CSNK1E: variants seen among roughly 807,000 people sequenced by gnomAD.
CSNK1E encodes casein kinase I isoform epsilon.
CSNK1E carries 17 observed loss-of-function variants against 46.1 expected under a neutral mutation model. That is an observed-to-expected ratio of 0.37 (90% CI 0.25 to 0.55). The LOEUF (loss-of-function observed/expected upper bound fraction) is 0.55. Ranked by LOEUF, CSNK1E falls within the 20% of genes least tolerant of loss-of-function variation. CSNK1E has a pLI of 0.82. For synonymous variants in CSNK1E, 241 were observed against 242.6 expected, an observed-to-expected ratio of 0.99 and a Z score of 0.06; for missense variants, 386 against 595.4, an observed-to-expected ratio of 0.65 and a Z score of 3.66.
Position 38,300,967 on chromosome 22 carries a change from G to A in CSNK1E, c.337-15C>T, listed in dbSNP as rs772227213. ...ATGCGGCTGATCTGGGGAGGAGGGG[G>A]GCCATTTGTTCAACAGAGGGGCCCT... On this transcript the variant is annotated splice_polypyrimidine_tract_variant and intron_variant, in intron 4 of 10. Coordinates refer to ENST00000396832, the MANE Select transcript of CSNK1E (RefSeq NM_152221.3). This position sits in a 1 kb window ranked among gnomAD's most constrained non-coding sequence, Gnocchi z 4.4. 6.2e-7 allele frequency: 1 copy of A among 1,611,050 alleles called. No individual in the cohort carries two copies. The highest frequency in any genetic ancestry group is 8.5e-7 in the Non-Finnish European group (1 of 1,177,392).
At position 38,291,012 on chromosome 22, in the gene CSNK1E, C is replaced by G. The variant is rs898240630; in HGVS notation, c.*959G>C. The G allele has an allele frequency of 6.6e-6, 1 of 152,370 alleles. No homozygotes were observed. The highest frequency in any genetic ancestry group is 2.4e-5 in the African/African-American group (1 of 41,456). The allele number at this position is 152,370 out of a possible 1,614,324, so 9.4% of individuals were successfully genotyped here. ...AACCCAGCCCTGACTCCAGGCTCCTCCTCAGAAAGGTGGAACCAGGGAGAG... is the reference window on the plus strand; with the variant it reads ...AACCCAGCCCTGACTCCAGGCTCCTGCTCAGAAAGGTGGAACCAGGGAGAG... On this transcript the variant is annotated 3_prime_UTR_variant, in exon 11 of 11. Coordinates refer to ENST00000396832, the MANE Select transcript of CSNK1E (RefSeq NM_152221.3).
chr22:38,298,559 C>T lies in CSNK1E; in HGVS notation c.885+227G>A. 1.8e-6 allele frequency: 1 copy of T among 547,078 alleles called. No individual in the cohort carries two copies. The highest frequency in any genetic ancestry group is 1.9e-5 in the African/African-American group (1 of 52,724). 33.9% of individuals were successfully genotyped at this position (547,078 alleles called of 1,614,324 possible). A position where few individuals can be genotyped will look rare whatever the true frequency, so the allele number is the denominator to read the frequency against. On this transcript the variant is annotated intron_variant, in intron 7 of 10. Coordinates refer to ENST00000396832, the MANE Select transcript of CSNK1E (RefSeq NM_152221.3). This position sits in a 1 kb window ranked among gnomAD's most constrained non-coding sequence, Gnocchi z 4.2. The stretch of plus-strand genomic sequence containing the variant: ...CAGGTGAAGCCAGATCCTCCTTGTT[C>T]CGACGGGAGACAGCGCCCTGCCTGG...
rs933767728 is a variant in CSNK1E, at chr22:38,316,051, T to C, written c.-13+1109A>G. ...GCCTCCCAGAGGAGAGCAGAAAAGC[T>C]TCATTCAGGAATGGAGAGGCTTTTC... is the stretch of plus-strand genomic sequence containing the variant. On this transcript the variant is annotated intron_variant, in intron 1 of 10. Transcript: ENST00000396832. Among the ~76,000 whole-genome samples the C allele has an allele frequency of 7.2e-5, 11 of 151,810 alleles. 1 individual carries two copies. The East Asian group carries it at 2.0e-3, about 27-fold the overall frequency.
Position 38,293,304 on chromosome 22 carries a change from C to T in CSNK1E, c.1234G>A (p.Asp412Asn), listed in dbSNP as rs910487898. The part of the protein sequence containing the change: ...IPASQTSVPF[D>N]HLGK ...GGCTCTCCTCACTTCCCGAGATGGT[C>T]AAATGGCACACTTGTCTTTTGAGGG... The change falls in exon 10 of 11, where the codon GAC (aspartate) becomes AAC (asparagine). Residue 412 changes from aspartate to asparagine, a missense_variant. By Grantham distance (23) the Asp-to-Asn change is conservative. This residue lies in a region of CSNK1E where 174 missense variants were observed against 185.2 expected (regional missense o/e 0.94). Transcript: ENST00000396832. 1.2e-6 allele frequency: 2 copies of T among 1,606,314 alleles called. No homozygotes were observed. The highest frequency in any genetic ancestry group is 1.7e-6 in the Non-Finnish European group (2 of 1,175,112).
At chr22:38,313,823 T>C (rs1197055385) in intron 2 of CSNK1E, among the ~76,000 whole-genome samples, 2 of 152,196 alleles carry the variant, frequency 1.3e-5, no homozygotes, top group African/African-American at 4.8e-5. Context: ...CCCGGGACAC[T>C]GAGGCACAAA....
rs759002875 is a variant in CSNK1E, at chr22:38,294,414, C to A, written c.1006G>T (p.Ala336Ser). 1 of 1,558,444 alleles carries A rather than the reference C, an allele frequency of 6.4e-7. No individual in the cohort carries two copies. The highest frequency in any genetic ancestry group is 1.9e-5 in the Admixed American group (1 of 52,532). The stretch of plus-strand genomic sequence containing the variant: ...GCACTGCGGAGCCGGTTGGCAGTGG[C>A]CCCCGTGGGTGGGCCAGGGGGCAGG... Reference protein sequence around the residue: ...RALPPGPPTGATANRLRSAAE... With the variant: ...RALPPGPPTGSTANRLRSAAE... Residue 336 changes from alanine (A) to serine (S), a missense_variant, in exon 8 of 11, where the codon GCC becomes TCC. Physicochemically the swap from Ala to Ser is moderately conservative, Grantham distance 99. Around this residue, in one of 2 missense-constraint regions of CSNK1E, gnomAD observed 174 missense variants for 185.2 expected, o/e 0.94. Transcript: ENST00000396832. This position sits in a 1 kb window ranked among gnomAD's most constrained non-coding sequence, Gnocchi z 5.5.
chr22:38,317,470 GGCCC>G (rs1219777538), upstream of CSNK1E: 8 of 130,318 alleles, frequency 6.1e-5, no homozygotes, highest in Non-Finnish European at 1.6e-5. Flanking sequence ...TTGAGCCCCG[GGCCC>G]GCCCGCTGAT....
At chr22:38,295,969 C>CG (rs1369200236) in intron 7 of CSNK1E, among the ~76,000 whole-genome samples, 7 of 152,370 alleles carry the variant, frequency 4.6e-5, no homozygotes, top group African/African-American at 1.7e-4. Flanking sequence ...GAACCTTCTG[C>CG]GGGCAGAGTC....
rs756159218 is a variant in CSNK1E at position 38,303,002 on chromosome 22, G to T, written c.195C>A (p.Ile65=). The change falls in exon 4 of 11, where the codon ATC becomes ATA. Residue 65 remains isoleucine, a synonymous_variant. Coordinates refer to ENST00000396832, the MANE Select transcript of CSNK1E (RefSeq NM_152221.3). This position sits in a 1 kb window ranked among gnomAD's most constrained non-coding sequence, Gnocchi z 4.7. Reference sequence around the variant, plus strand: ...CAGCTCCGCACCACTTGATGGACGGGATCCCCACTGGGGGTCAAGCAGAGG... The same window carrying T: ...CAGCTCCGCACCACTTGATGGACGGTATCCCCACTGGGGGTCAAGCAGAGG... ...FYKMMQGGVG[I]PSIKWCGAEG... is the part of the protein sequence containing the mutation. 6.2e-7 allele frequency: 1 copy of T among 1,613,748 alleles called. No individual in the cohort carries two copies. The highest frequency in any genetic ancestry group is 1.1e-5 in the South Asian group (1 of 91,090).
At chr22:38,310,911 A>T (rs1296818489) in intron 2 of CSNK1E, among the ~76,000 whole-genome samples, 1 of 152,258 alleles carries the variant, frequency 6.6e-6, no homozygotes, top group Non-Finnish European at 1.5e-5. Flanking sequence ...AAATGGAGCC[A>T]GCAAGGCTGG....
At chr22:38,307,822 G>C (rs771430454) in intron 2 of CSNK1E, among the ~76,000 whole-genome samples, 1 of 152,104 alleles carries the variant, frequency 6.6e-6, no homozygotes, top group Non-Finnish European at 1.5e-5. Flanking sequence ...TCAGCCTCTC[G>C]AGTAGCTGGA....
At position 38,303,020 on chromosome 22, in the gene CSNK1E, A is replaced by C; in HGVS notation, c.188-11T>G. On this transcript the variant is annotated splice_polypyrimidine_tract_variant and intron_variant, in intron 3 of 10. Transcript: ENST00000396832. This position sits in a 1 kb window ranked among gnomAD's most constrained non-coding sequence, Gnocchi z 4.7. ...TGGACGGGATCCCCACTGGGGGTCA[A>C]GCAGAGGGCCTCTGTCAGGGGTCAG... The C allele has an allele frequency of 6.2e-7, 1 of 1,609,802 alleles. No individual in the cohort carries two copies. Among genetic ancestry groups the C allele is most frequent in the Non-Finnish European group, 8.5e-7 (1 of 1,178,944 alleles).
At position 38,305,872 on chromosome 22, in the gene CSNK1E, A is replaced by C. The variant is rs536588462; in HGVS notation, c.77-2624T>G. On this transcript the variant is annotated intron_variant, in intron 2 of 10. Transcript: ENST00000396832. ...CGCCACTGGAGGGGGATTTGACGCTACTCAGCCCTGACCAGCAACCCCGCT... is the reference window on the plus strand; with the variant it reads ...CGCCACTGGAGGGGGATTTGACGCTCCTCAGCCCTGACCAGCAACCCCGCT... Among the ~76,000 whole-genome samples, 12 of 152,214 alleles carry C rather than the reference A, an allele frequency of 7.9e-5. No individual in the cohort carries two copies. In the East Asian group the frequency reaches 2.1e-3, roughly 27 times the overall value.
chr22:38,296,996 A>G (rs2092644342), intron 7 of CSNK1E: 1 of 651,914 alleles, frequency 1.5e-6, no homozygotes, highest in Non-Finnish European at 2.8e-6. Flanking sequence ...CTGGTCTTAA[A>G]CTCCTGACCT....
intron 1 of CSNK1E, among the ~76,000 whole-genome samples, chr22:38,314,942 C>T (rs976541844): frequency 6.6e-6 from 1 of 152,196 alleles, no homozygotes. Context: ...ACACCCTGTT[C>T]CTGGTCAGCA....
At chr22:38,297,656 G>A (rs2092648046) in intron 7 of CSNK1E, 2 of 992,256 alleles carry the variant, frequency 2.0e-6, no homozygotes, top group African/African-American at 3.5e-5. Context: ...GCCGCCAACG[G>A]GGTCTAGCTA....
At position 38,303,292 on chromosome 22, in the gene CSNK1E, G is replaced by A. The variant is rs1055623203; in HGVS notation, c.77-44C>T. The A allele has an allele frequency of 6.6e-7, 1 of 1,514,498 alleles. No individual in the cohort carries two copies. The allele number at this position is 1,514,498 out of a possible 1,614,324, so 93.8% of individuals were successfully genotyped here. A position where few individuals can be genotyped will look rare whatever the true frequency, so the allele number is the denominator to read the frequency against. On this transcript the variant is annotated intron_variant, in intron 2 of 10. Coordinates refer to ENST00000396832, the MANE Select transcript of CSNK1E (RefSeq NM_152221.3). The surrounding 1 kb of genome is among the most constrained non-coding windows in gnomAD (Gnocchi z 4.7). ...CAAGGGACCAGGGTCACCCTCAAAG[G>A]CCAGGCAGTCCCAGGCGCCCCACTA...
In CSNK1E at chr22:38,300,538, G is replaced by A. The variant is rs1384062521; in HGVS notation, c.565+186C>T. Among the ~76,000 whole-genome samples, 1 of 152,228 alleles carries A rather than the reference G, an allele frequency of 6.6e-6. No individual in the cohort carries two copies. Among genetic ancestry groups the A allele is most frequent in the East Asian group, 1.9e-4 (1 of 5,196 alleles). On this transcript the variant is annotated intron_variant, in intron 5 of 10. Coordinates refer to ENST00000396832, the MANE Select transcript of CSNK1E (RefSeq NM_152221.3). This position sits in a 1 kb window ranked among gnomAD's most constrained non-coding sequence, Gnocchi z 4.4. Reference sequence around the variant, plus strand: ...GCCCGGCACACACAGCTTGGCTTACGAAGGGGAAGACCCGACTGTGCAAGG... The same window carrying A: ...GCCCGGCACACACAGCTTGGCTTACAAAGGGGAAGACCCGACTGTGCAAGG...
rs1050414316 is a variant in CSNK1E, at chr22:38,309,671, T to C, written c.76+4411A>G. ...GGTTTCACCATGTTGGCCGGGCTGGTCTCAAACTCCTGACCTCAAATGATC... is the reference window on the plus strand; with the variant it reads ...GGTTTCACCATGTTGGCCGGGCTGGCCTCAAACTCCTGACCTCAAATGATC... On this transcript the variant is annotated intron_variant, in intron 2 of 10. Transcript: ENST00000396832. The surrounding 1 kb of genome is among the most constrained non-coding windows in gnomAD (Gnocchi z 4.8). Among the ~76,000 whole-genome samples the C allele has an allele frequency of 3.9e-5, 6 of 152,146 alleles. No individual in the cohort carries two copies. Among genetic ancestry groups the C allele is most frequent in the African/African-American group, 9.7e-5 (4 of 41,446 alleles).
Sources: allele counts gnomAD v4.1 joint callset (sites outside exome capture counted in the v4.1 genomes callset), GRCh38; gene constraint gnomAD v4.1.1; regional missense constraint gnomAD v4.1.1; non-coding constraint Gnocchi (gnomAD v3.1); transcripts MANE v1.5; gene names NCBI Gene and HGNC (gene_info 2026-07-23, HGNC 2026-07-21).